ST7: variants seen among roughly 807,000 people sequenced by gnomAD.
The protein encoded by ST7 is suppression of tumorigenicity 7, also known as suppressor of tumorigenicity 7 protein.
ST7 carries 28 observed loss-of-function variants against 78.7 expected under a neutral mutation model. The observed-to-expected ratio is 0.36, with a 90% confidence interval of 0.26 to 0.49. ST7 has a LOEUF of 0.49. Ranked by LOEUF, ST7 falls within the 20% of genes least tolerant of loss-of-function variation. The pLI is 0.99. For missense variants in ST7, 418 were observed against 696.0 expected, an observed-to-expected ratio of 0.60 and a Z score of 4.49; for synonymous variants, 247 against 249.6, an observed-to-expected ratio of 0.99 and a Z score of 0.10.
At chr7:117,093,465 G>T (rs1800783529) in intron 1 of ST7, among the ~76,000 whole-genome samples, 1 of 152,158 alleles carries the variant, frequency 6.6e-6, no homozygotes, top group South Asian at 2.1e-4. Flanking sequence ...ACTTTGGGAG[G>T]CTGAGTGGGG....
intron 1 of ST7, among the ~76,000 whole-genome samples, chr7:117,064,564 T>C (rs1798532666): frequency 6.6e-6 from 1 of 152,202 alleles, no homozygotes; most frequent in Non-Finnish European, 1.5e-5. Flanking sequence ...CTGTAATTTA[T>C]TTACTTCAGT....
intron 1 of ST7, among the ~76,000 whole-genome samples, chr7:117,070,790 G>A (rs1209784481): frequency 6.6e-6 from 1 of 151,950 alleles, no homozygotes; most frequent in African/African-American, 2.4e-5. Context: ...TGATCCGCCC[G>A]CCTCGGCCTC....
intron 1 of ST7, among the ~76,000 whole-genome samples, chr7:117,065,241 C>G (rs1386459821): frequency 7.3e-6 from 1 of 136,810 alleles, no homozygotes; most frequent in African/African-American, 2.7e-5. Flanking sequence ...CGGAGTCTGG[C>G]ACTATCGCCT....
chr7:117,110,713 G>A (rs1463737687), intron 2 of ST7, among the ~76,000 whole-genome samples: 1 of 152,212 alleles, frequency 6.6e-6, no homozygotes, highest in African/African-American at 2.4e-5. Flanking sequence ...TTACCTCCGT[G>A]TGGGTTGTTT....
intron 3 of ST7, among the ~76,000 whole-genome samples, chr7:117,128,901 C>G (rs1804099767): frequency 6.6e-6 from 1 of 151,850 alleles, no homozygotes; most frequent in Admixed American, 6.6e-5. Context: ...TGCACACGCA[C>G]ATAGATGTTT....
In ST7 at chr7:116,966,550, C is replaced by T. The variant is rs538160804; in HGVS notation, c.151+12859C>T. ...ACAGGCATGAGCTACTGCGCCCAGC[C>T]GATAATATATGTTGCATTTCATTAA... On this transcript the variant is annotated intron_variant, in intron 1 of 15. Coordinates refer to ENST00000323984, the MANE Select transcript of ST7 (RefSeq NM_001369598.1). 6.0e-4 allele frequency among the ~76,000 whole-genome samples: 92 copies of T among 152,124 alleles called. 1 individual carries two copies. The highest frequency in any genetic ancestry group is 2.0e-3 in the African/African-American group (83 of 41,494).
intron 1 of ST7, among the ~76,000 whole-genome samples, chr7:117,002,165 T>A (rs1053218401): frequency 6.6e-6 from 1 of 151,930 alleles, no homozygotes; most frequent in African/African-American, 2.4e-5. Flanking sequence ...GATGTGGAGG[T>A]TGCAGTGAGC....
intron 8 of ST7, chr7:117,136,806 C>T (rs1251691692): frequency 4.6e-5 from 7 of 152,432 alleles, no homozygotes; most frequent in African/African-American, 1.4e-4. Context: ...CCCCAAAAAA[C>T]GCCTTTTTAA....
intron 1 of ST7, 94 bp downstream of exon 1, chr7:116,953,785 G>C: frequency 1.1e-6 from 1 of 930,094 alleles, no homozygotes; most frequent in Non-Finnish European, 1.3e-6. Flanking sequence ...GCGCGCGCTC[G>C]GGGACGCGCC....
At chr7:117,129,690 A>G in intron 3 of ST7, 103 bp from the exon 4 acceptor site, 1 of 903,086 alleles carries the variant, frequency 1.1e-6, no homozygotes, top group Non-Finnish European at 1.8e-6. Flanking sequence ...GGTAGTGAAT[A>G]GAATTATCTT....
intron 1 of ST7, among the ~76,000 whole-genome samples, chr7:116,979,823 C>T (rs750648895): frequency 1.3e-5 from 2 of 152,054 alleles, no homozygotes; most frequent in African/African-American, 2.4e-5. Flanking sequence ...CTACCGTGAG[C>T]GCCACTGCAT....
chr7:117,050,207 T>C (rs1203504384), intron 1 of ST7, among the ~76,000 whole-genome samples: 1 of 141,848 alleles, frequency 7.0e-6, no homozygotes, highest in African/African-American at 2.6e-5. Flanking sequence ...AGAGTGAGAC[T>C]CCGTCTCAAA....
chr7:117,097,344 A>C (rs1342607151), intron 1 of ST7, among the ~76,000 whole-genome samples: 2 of 139,930 alleles, frequency 1.4e-5, no homozygotes, highest in African/African-American at 5.4e-5. Flanking sequence ...TTTTTTTTTG[A>C]GATGCAGTTT....
chr7:117,055,070 C>T (rs1797994500), intron 1 of ST7, among the ~76,000 whole-genome samples: 1 of 152,018 alleles, frequency 6.6e-6, no homozygotes, highest in Non-Finnish European at 1.5e-5. Flanking sequence ...TAATAGTCAC[C>T]CAGTAATTGC....
chr7:117,223,367 C>T (rs1158608470), intron 15 of ST7: 2 of 187,252 alleles, frequency 1.1e-5, no homozygotes, highest in East Asian at 3.0e-4. Context: ...ATGTCACTTC[C>T]CTGCTTAAAT....
intron 1 of ST7, among the ~76,000 whole-genome samples, chr7:117,060,848 A>G (rs1230977425): frequency 6.6e-6 from 1 of 152,128 alleles, no homozygotes. Context: ...TCTACTAAAA[A>G]TACAAAAATT....
At chr7:117,200,278 C>G (rs577661771) in intron 12 of ST7, among the ~76,000 whole-genome samples, 16 of 152,256 alleles carry the variant, frequency 1.1e-4, no homozygotes, top group African/African-American at 3.9e-4. Context: ...CCCCAAGGCC[C>G]CCTCTGCATA....
At position 116,959,044 on chromosome 7, in the gene ST7, G is replaced by A. The variant is rs1159466900; in HGVS notation, c.151+5353G>A. 1.0e-5 allele frequency: 4 copies of A among 391,250 alleles called. No individual in the cohort carries two copies. In the East Asian group the frequency reaches 2.9e-4, roughly 28 times the overall value. The allele number at this position is 391,250 out of a possible 1,614,324, so 24.2% of individuals were successfully genotyped here. ...CTGTATCATGTGATGCTGTCTGATAGCATTTTACCCACAGTAGGACTTTCA... is the reference window on the plus strand; with the variant it reads ...CTGTATCATGTGATGCTGTCTGATAACATTTTACCCACAGTAGGACTTTCA... On this transcript the variant is annotated intron_variant, in intron 1 of 15. Transcript: ENST00000323984.
chr7:117,195,170 T>C lies in ST7; in HGVS notation c.1254+4234T>C, dbSNP rs189627355. Among the ~76,000 whole-genome samples the C allele has an allele frequency of 1.6e-3, 250 of 152,128 alleles. 2 individuals carry two copies. Among genetic ancestry groups the C allele is most frequent in the African/African-American group, 5.8e-3 (242 of 41,468 alleles). Reference sequence around the variant, plus strand: ...TTTACTATTTAAAAAAAAATTAGCATAGGGCTCTTAACATGGACTTTATGG... The same window carrying C: ...TTTACTATTTAAAAAAAAATTAGCACAGGGCTCTTAACATGGACTTTATGG... On this transcript the variant is annotated intron_variant, in intron 12 of 15. Transcript: ENST00000323984.
Sources: allele counts gnomAD v4.1 joint callset (sites outside exome capture counted in the v4.1 genomes callset), GRCh38; gene constraint gnomAD v4.1.1; transcripts MANE v1.5; gene names NCBI Gene and HGNC (gene_info 2026-07-23, HGNC 2026-07-21).